Variants in EIF3A observed in about 807,000 individuals in gnomAD.
EIF3A encodes EIF3, p180 subunit.
In EIF3A, 21 loss-of-function variants were observed where a neutral mutation model predicts 186.6. The observed-to-expected ratio is 0.11, with a 90% CI of 0.08 to 0.16. EIF3A has a LOEUF of 0.16. Ranked by LOEUF, EIF3A falls within the 10% of genes least tolerant of loss-of-function variation. The pLI is 1.00. For synonymous variants in EIF3A, 563 were observed against 584.3 expected (o/e 0.96, Z 0.52); for missense variants, 1,306 against 1,796.3 (o/e 0.73, Z 4.93).
chr10:119,053,984 A>G (rs549569454), intron 14 of EIF3A, among the ~76,000 whole-genome samples: 2 of 152,298 alleles, frequency 1.3e-5, no homozygotes, highest in South Asian at 4.1e-4. Flanking sequence ...GCAGTGGCGC[A>G]ATCTCAGCTC....
intron 14 of EIF3A, among the ~76,000 whole-genome samples, chr10:119,054,095 A>G (rs1848393245): frequency 6.6e-6 from 1 of 151,964 alleles, no homozygotes; most frequent in Non-Finnish European, 1.5e-5. Context: ...TAATTTTTGT[A>G]ATTTTAGTAG....
intron 19 of EIF3A, among the ~76,000 whole-genome samples, chr10:119,039,825 G>C (rs1055610454): frequency 1.3e-5 from 2 of 152,166 alleles, no homozygotes; most frequent in Non-Finnish European, 2.9e-5. Flanking sequence ...CAACATATCA[G>C]AAATAGGGAG....
At chr10:119,057,814 T>G (rs1843813819) in intron 12 of EIF3A, 142 bp downstream of exon 12, 2 of 668,570 alleles carry the variant, frequency 3.0e-6, no homozygotes, top group Admixed American at 5.5e-5. Flanking sequence ...AAACATATGC[T>G]TACTCACAGA....
chr10:119,069,229 C>G (rs990723242), intron 6 of EIF3A, among the ~76,000 whole-genome samples: 2 of 151,838 alleles, frequency 1.3e-5, no homozygotes, highest in Admixed American at 1.3e-4. Flanking sequence ...TCACAACTGG[C>G]GGTGGTTGCT....
intron 7 of EIF3A, among the ~76,000 whole-genome samples, chr10:119,062,037 T>A (rs192532731): frequency 6.6e-6 from 1 of 152,292 alleles, no homozygotes; most frequent in East Asian, 1.9e-4. Context: ...CACCCACACA[T>A]GGGAGCACTC....
chr10:119,048,239 T>C (rs1425976994), intron 17 of EIF3A, among the ~76,000 whole-genome samples: 2 of 151,374 alleles, frequency 1.3e-5, no homozygotes, highest in South Asian at 2.1e-4. Flanking sequence ...GGCCACAACA[T>C]AGAGGAAGGT....
chr10:119,058,205 C>T lies in EIF3A; in HGVS notation c.1728G>A (p.Glu576=), dbSNP rs986027278. The T allele has an allele frequency of 6.2e-6, 10 of 1,613,750 alleles. No individual in the cohort carries two copies. The African/African-American group carries it at 1.3e-4, about 22-fold the overall frequency. ...QRILARRQTI[E]ERKERLESLN... ...GACTCTCAAGGCGCTCTTTTCTCTC[C>T]TCAATTGTCTGGCGGCGAGCCAGGA... is the stretch of plus-strand genomic sequence containing the variant. The change falls in exon 12 of 22, where the codon GAG becomes GAA. Residue 576 remains glutamate (E), a synonymous_variant. Coordinates refer to ENST00000369144, the MANE Select transcript of EIF3A (RefSeq NM_003750.4).
intron 1 of EIF3A, among the ~76,000 whole-genome samples, chr10:119,076,057 T>C (rs1844167029): frequency 1.4e-5 from 2 of 147,848 alleles, no homozygotes; most frequent in Admixed American, 6.8e-5. Context: ...TATCTGATAA[T>C]GGCCGGGCGC....
Position 119,036,195 on chromosome 10 carries a change from A to T in EIF3A, c.3993T>A (p.Pro1331=), listed in dbSNP as rs1326681105. ...CTCGGTCTCTTGAAAGAGCTGGGGG[A>T]GGAACTCGACGAGGAGGGTCCCGCT... ...VEERDPPRRV[P]PPALSRDRER... Residue 1331 remains proline, a synonymous_variant, in exon 22 of 22, where the codon CCT becomes CCA. Coordinates refer to ENST00000369144, the MANE Select transcript of EIF3A (RefSeq NM_003750.4). 23 of 1,613,448 alleles carry T rather than the reference A, an allele frequency of 1.4e-5. No individual in the cohort carries two copies. Among genetic ancestry groups the T allele is most frequent in the Non-Finnish European group, 1.9e-5 (23 of 1,179,848 alleles).
rs1042899890 is a variant in EIF3A, at chr10:119,074,030, ATTACCAACTTT to A, written c.50-104_50-94del. Reference sequence around the variant, plus strand: ...AACAGCTATTTCAATTCCCCAACTCATTACCAACTTTTTACCAAGTTACATTTATTTTTGAC... The same window carrying A: ...AACAGCTATTTCAATTCCCCAACTCATTACCAAGTTACATTTATTTTTGAC... On this transcript the variant is annotated intron_variant, in intron 1 of 21. Transcript: ENST00000369144. 3.7e-6 allele frequency: 4 copies of A among 1,075,964 alleles called. No homozygotes were observed. The Admixed American group carries it at 1.0e-4, about 27-fold the overall frequency. 66.7% of individuals were successfully genotyped at this position (1,075,964 alleles called of 1,614,324 possible).
intron 9 of EIF3A, among the ~76,000 whole-genome samples, 180 bp downstream of exon 9, chr10:119,060,566 T>C (rs531965709): frequency 9.2e-5 from 14 of 152,300 alleles, no homozygotes; most frequent in Admixed American, 1.3e-4. Flanking sequence ...AACAAAAGCG[T>C]CCGTTACAAA....
chr10:119,041,923 T>A, intron 19 of EIF3A, 71 bp downstream of exon 19: 1 of 1,466,562 alleles, frequency 6.8e-7, no homozygotes, highest in Non-Finnish European at 9.4e-7. Context: ...AATACAGCCC[T>A]GATATTTATC....
chr10:119,059,457 CA>C, intron 10 of EIF3A, 60 bp from the exon 11 acceptor site: 3 of 1,350,474 alleles, frequency 2.2e-6, no homozygotes, highest in Non-Finnish European at 3.1e-6. Context: ...CAAAAAGTAA[CA>C]GAAGAATGTC....
At chr10:119,061,863 T>C (rs35911794) in intron 7 of EIF3A, among the ~76,000 whole-genome samples, 3,216 of 152,298 alleles carry the variant, frequency 0.021, 59 homozygotes, top group Non-Finnish European at 0.034. Context: ...CCCATTTATA[T>C]GGACTTCAAT....
chr10:119,065,304 C>T (rs952465231), intron 7 of EIF3A, 95 bp downstream of exon 7: 20 of 947,178 alleles, frequency 2.1e-5, no homozygotes, highest in Non-Finnish European at 6.5e-6. Context: ...ACCCTTGGCA[C>T]TGAATCAGAA....
Position 119,042,081 on chromosome 10 carries a change from G to A in EIF3A, c.3439C>T (p.Arg1147Cys), listed in dbSNP as rs202128409. The A allele has an allele frequency of 4.0e-5, 64 of 1,614,176 alleles. No homozygotes were observed. Among genetic ancestry groups the A allele is most frequent in the Non-Finnish European group, 4.7e-5 (55 of 1,180,038 alleles). ...TCATCATCAGCACGTCTTGAAAGGC[G>A]ATCATCATCCATGTTTCTCCAAGGG... is the stretch of plus-strand genomic sequence containing the variant. ...RGPWRNMDDD[R>C]LSRRADDDRF... Residue 1147 changes from arginine to cysteine, a missense_variant, in exon 19 of 22, where the codon CGC becomes TGC. Arg to Cys is a radical substitution (Grantham distance 180). Transcript: ENST00000369144. The surrounding 1 kb of genome is among the most constrained non-coding windows in gnomAD (Gnocchi z 7.8).
At position 119,042,497 on chromosome 10, in the gene EIF3A, T is replaced by C. The variant is rs200447155; in HGVS notation, c.3023A>G (p.Asn1008Ser). The change falls in exon 19 of 22, where the codon AAC becomes AGC. Residue 1008 changes from asparagine to serine, a missense_variant. This residue lies in a region of EIF3A where 410 missense variants were observed against 473.5 expected (regional missense o/e 0.87). Coordinates refer to ENST00000369144, the MANE Select transcript of EIF3A (RefSeq NM_003750.4). The surrounding 1 kb of genome is among the most constrained non-coding windows in gnomAD (Gnocchi z 7.8). ...TCTGTCATCATCCGCATGACGCCAG[T>C]TTCCCCTGTCTTCATCGGCAATTCG... ...PRRIADEDRG[N>S]WRHADDDRPP... 2.5e-5 allele frequency: 41 copies of C among 1,614,130 alleles called. No individual in the cohort carries two copies. Among genetic ancestry groups the C allele is most frequent in the Admixed American group, 2.0e-4 (12 of 60,012 alleles).
At chr10:119,043,016 G>A (rs568653140) in intron 18 of EIF3A, among the ~76,000 whole-genome samples, 48 of 152,036 alleles carry the variant, frequency 3.2e-4, no homozygotes, top group African/African-American at 1.1e-3. Flanking sequence ...GGGCACAGTC[G>A]CTCACACCTG....
chr10:119,039,168 A>G (rs992017055), intron 19 of EIF3A, among the ~76,000 whole-genome samples: 13 of 152,154 alleles, frequency 8.5e-5, no homozygotes, highest in African/African-American at 3.1e-4. Flanking sequence ...ATATCCAAAA[A>G]ACAATCTTTC....
Sources: gnomAD v4.1 joint callset for allele counts (sites outside exome capture counted in the v4.1 genomes callset) on GRCh38, gnomAD v4.1.1 for gene constraint, gnomAD v4.1.1 regional missense constraint, Gnocchi (gnomAD v3.1) non-coding constraint, MANE v1.5 for transcripts, NCBI Gene and HGNC (gene_info 2026-07-23, HGNC 2026-07-21) for gene names.